MARK3: variants seen among roughly 807,000 people sequenced by gnomAD.
MARK3 encodes microtubule affinity regulating kinase 3, also known as MAP/microtubule affinity-regulating kinase 3.
Under a neutral mutation model 90.1 loss-of-function variants are expected in MARK3, and 46 were observed. The observed-to-expected ratio is 0.51, with a 90% CI of 0.40 to 0.65. MARK3 has a LOEUF of 0.65. Among genes scored for constraint, MARK3 ranks in the 30% least tolerant of loss-of-function variants. The pLI is 0.00. For missense variants in MARK3, 818 were observed against 947.2 expected (o/e 0.86, Z 1.79); for synonymous variants, 321 against 332.6 (o/e 0.97, Z 0.38).
chr14:103,483,560 T>C (rs1372893771), intron 14 of MARK3, among the ~76,000 whole-genome samples: 1 of 152,268 alleles, frequency 6.6e-6, no homozygotes, highest in Non-Finnish European at 1.5e-5. Context: ...TTTTATTAAT[T>C]GGTTCTTACT....
rs144200083 is a variant in MARK3, at chr14:103,484,183, T to C, written c.1586+3693T>C. On this transcript the variant is annotated intron_variant, in intron 14 of 17. Transcript: ENST00000429436. Reference sequence around the variant, plus strand: ...CTTTTCTTTTTTTTTTTTCTTTTTTTCTTTTTTTTTCTGCGATGGAGTCTC... The same window carrying C: ...CTTTTCTTTTTTTTTTTTCTTTTTTCCTTTTTTTTTCTGCGATGGAGTCTC... Among the ~76,000 whole-genome samples, 157 of 151,844 alleles carry C rather than the reference T, an allele frequency of 1.0e-3. 5 individuals carry two copies. The East Asian group carries it at 0.026, about 25-fold the overall frequency.
At chr14:103,454,740 G>T (rs993473719) in intron 5 of MARK3, among the ~76,000 whole-genome samples, 2 of 152,138 alleles carry the variant, frequency 1.3e-5, no homozygotes, top group Non-Finnish European at 2.9e-5. Flanking sequence ...AATAATCTTA[G>T]AAATTTTAGG....
At chr14:103,391,802 C>T (rs2090271548) in intron 1 of MARK3, among the ~76,000 whole-genome samples, 1 of 150,616 alleles carries the variant, frequency 6.6e-6, no homozygotes, top group Admixed American at 6.6e-5. Context: ...AGGTGATCCG[C>T]CCGCCTTGGC....
intron 2 of MARK3, among the ~76,000 whole-genome samples, chr14:103,418,839 T>C (rs2092075333): frequency 6.6e-6 from 1 of 152,272 alleles, no homozygotes. Context: ...TTTTTGATTA[T>C]AATTTTGTAT....
intron 15 of MARK3, among the ~76,000 whole-genome samples, chr14:103,493,823 C>T (rs1330503665): frequency 7.1e-6 from 1 of 139,958 alleles, no homozygotes; most frequent in Non-Finnish European, 1.5e-5. Flanking sequence ...TGCAGTGAGC[C>T]GAGATCGTAC....
intron 2 of MARK3, among the ~76,000 whole-genome samples, chr14:103,418,297 G>A (rs1455085728): frequency 6.9e-6 from 1 of 144,612 alleles, no homozygotes; most frequent in Admixed American, 7.0e-5. Context: ...TTTTTTCTGG[G>A]GTTCTTTCTT....
intron 1 of MARK3, among the ~76,000 whole-genome samples, chr14:103,390,620 A>G (rs1447273555): frequency 6.6e-6 from 1 of 152,250 alleles, no homozygotes; most frequent in Non-Finnish European, 1.5e-5. Flanking sequence ...CAGTGTTTTA[A>G]CAAAGTTTAT....
chr14:103,422,892 C>T (rs2092272430), intron 2 of MARK3, among the ~76,000 whole-genome samples: 1 of 152,118 alleles, frequency 6.6e-6, no homozygotes, highest in African/African-American at 2.4e-5. Context: ...TGTGTAAGCC[C>T]TAACCCCCAG....
At chr14:103,496,412 C>T (rs569916470) in intron 15 of MARK3, among the ~76,000 whole-genome samples, 1 of 139,258 alleles carries the variant, frequency 7.2e-6, no homozygotes, top group Non-Finnish European at 1.5e-5. Context: ...GAGACCCCAT[C>T]TCTACTTTTT....
At chr14:103,445,530 C>T (rs2092972541) in intron 3 of MARK3, among the ~76,000 whole-genome samples, 2 of 152,182 alleles carry the variant, frequency 1.3e-5, no homozygotes, top group South Asian at 2.1e-4. Flanking sequence ...TTTTTGCCTA[C>T]GGAATTAAAT....
chr14:103,424,680 G>A (rs2092342933), intron 2 of MARK3, among the ~76,000 whole-genome samples: 1 of 152,094 alleles, frequency 6.6e-6, no homozygotes, highest in Non-Finnish European at 1.5e-5. Flanking sequence ...ATCTTTGATG[G>A]ATTTGGCCAT....
chr14:103,503,284 G>A lies in MARK3; in HGVS notation c.*57G>A. ...TTAAAGTGTTTTCCTGAACACTGATGGAAATGTATAGAATAATATTTAGGC... is the reference window on the plus strand; with the variant it reads ...TTAAAGTGTTTTCCTGAACACTGATAGAAATGTATAGAATAATATTTAGGC... On this transcript the variant is annotated 3_prime_UTR_variant, in exon 18 of 18. Coordinates refer to ENST00000429436, the MANE Select transcript of MARK3 (RefSeq NM_001128918.3). The A allele has an allele frequency of 7.4e-7, 1 of 1,344,052 alleles. No individual in the cohort carries two copies. The highest frequency in any genetic ancestry group is 1.0e-6 in the Non-Finnish European group (1 of 962,238). 83.3% of individuals were successfully genotyped at this position (1,344,052 alleles called of 1,614,324 possible). A position where few individuals can be genotyped will look rare whatever the true frequency, so the allele number is the denominator to read the frequency against.
intron 13 of MARK3, 133 bp from the exon 14 acceptor site, chr14:103,480,254 G>A (rs1170131110): frequency 3.5e-6 from 2 of 574,196 alleles, no homozygotes; most frequent in Non-Finnish European, 6.2e-6. Flanking sequence ...CAGCCTGGGT[G>A]ACAGAGTAAG....
intron 12 of MARK3, among the ~76,000 whole-genome samples, chr14:103,471,057 G>T (rs1214389521): frequency 6.6e-6 from 1 of 152,220 alleles, no homozygotes. Flanking sequence ...GCATTTGTAG[G>T]TGACGTGTTG....
chr14:103,419,694 A>G (rs1420278526), intron 2 of MARK3, among the ~76,000 whole-genome samples: 1 of 152,174 alleles, frequency 6.6e-6, no homozygotes, highest in Non-Finnish European at 1.5e-5. Context: ...GTTCTTTGAC[A>G]TTATACCAAA....
intron 2 of MARK3, among the ~76,000 whole-genome samples, chr14:103,417,676 G>T (rs1293463961): frequency 6.6e-6 from 1 of 152,060 alleles, no homozygotes; most frequent in East Asian, 1.9e-4. Flanking sequence ...AGCAGAGACT[G>T]GAGTGCTTGA....
At chr14:103,495,094 T>C (rs1252713713) in intron 15 of MARK3, among the ~76,000 whole-genome samples, 1 of 152,164 alleles carries the variant, frequency 6.6e-6, no homozygotes, top group African/African-American at 2.4e-5. Flanking sequence ...GCACACACAC[T>C]CATTTAATTT....
At chr14:103,467,791 A>G in intron 11 of MARK3, 1 of 349,502 alleles carries the variant, frequency 2.9e-6, no homozygotes, top group Non-Finnish European at 5.1e-6. Context: ...AGTAAATACA[A>G]CATTTAAAGT....
rs190048034 is a variant in MARK3, at chr14:103,466,831, C to G, written c.998-248C>G. ...GCCAGCCTGACCAACATGGAGAAAC[C>G]CCATCTCTACTAAAACTACAAAATT... On this transcript the variant is annotated intron_variant, in intron 10 of 17. Transcript: ENST00000429436. Among the ~76,000 whole-genome samples the G allele has an allele frequency of 3.4e-4, 51 of 151,980 alleles. No individual in the cohort carries two copies. The East Asian group carries it at 8.3e-3, about 25-fold the overall frequency.
Sources: gnomAD v4.1 joint callset for allele counts (sites outside exome capture counted in the v4.1 genomes callset) on GRCh38, gnomAD v4.1.1 for gene constraint, MANE v1.5 for transcripts, NCBI Gene and HGNC (gene_info 2026-07-23, HGNC 2026-07-21) for gene names.